The following OSBPL1A variants were observed in gnomAD, a reference collection of about 807,000 sequenced individuals.
The protein encoded by OSBPL1A is oxysterol-binding protein-related protein 1.
In OSBPL1A, 80 loss-of-function variants were observed where a neutral mutation model predicts 137.1. That is an observed-to-expected ratio of 0.58 (90% confidence interval 0.49 to 0.70). OSBPL1A has a LOEUF of 0.70. OSBPL1A is among the 30% of genes least tolerant of loss of function. OSBPL1A has a pLI of 0.00. For synonymous variants in OSBPL1A, 365 were observed against 389.7 expected (o/e 0.94, Z 0.75); for missense variants, 970 against 1,129.4 (o/e 0.86, Z 2.02).
chr18:24,183,769 C>A (rs1166023173), intron 18 of OSBPL1A, among the ~76,000 whole-genome samples: 1 of 152,174 alleles, frequency 6.6e-6, no homozygotes, highest in Admixed American at 6.5e-5. Flanking sequence ...GATGTCAGCT[C>A]TGTGTATTGA....
intron 17 of OSBPL1A, among the ~76,000 whole-genome samples, chr18:24,219,223 G>T (rs976854439): frequency 6.6e-6 from 1 of 152,158 alleles, no homozygotes; most frequent in Non-Finnish European, 1.5e-5. Context: ...GACCAAGGAG[G>T]TTGAGGCTGC....
chr18:24,317,211 G>T lies in OSBPL1A; in HGVS notation c.808C>A (p.Pro270Thr). The T allele has an allele frequency of 6.2e-7, 1 of 1,613,542 alleles. No homozygotes were observed. Among genetic ancestry groups the T allele is most frequent in the African/African-American group, 1.3e-5 (1 of 74,932 alleles). The change falls in exon 11 of 28, where the codon CCT becomes ACT. Residue 270 changes from proline to threonine, a missense_variant and splice_region_variant. Physicochemically the swap from Pro to Thr is conservative, Grantham distance 38 (BLOSUM62 -1). This residue lies in a region of OSBPL1A where 647 missense variants were observed against 672.6 expected (regional missense o/e 0.96). Transcript: ENST00000319481. ...HGVLSWYRKQ[P>T]DAVHNIYRQG... is the part of the protein sequence containing the mutation. ...CGATAAATATTATGAACTGCATCAGGCCTTCAAAATAAAAATGAAATTATC... is the reference window on the plus strand; with the variant it reads ...CGATAAATATTATGAACTGCATCAGTCCTTCAAAATAAAAATGAAATTATC...
intron 7 of OSBPL1A, among the ~76,000 whole-genome samples, chr18:24,321,070 A>C (rs2090844086): frequency 6.6e-6 from 1 of 151,858 alleles, no homozygotes; most frequent in African/African-American, 2.4e-5. Context: ...AATAATAATA[A>C]CTGGGAAAAC....
chr18:24,353,878 T>C (rs755062758), intron 4 of OSBPL1A, among the ~76,000 whole-genome samples: 20 of 130,020 alleles, frequency 1.5e-4, no homozygotes, highest in Non-Finnish European at 2.6e-4. Context: ...TGAGAACACA[T>C]GGACACAGGA....
intron 15 of OSBPL1A, among the ~76,000 whole-genome samples, chr18:24,253,167 C>CGGGGGG (rs1340675508): frequency 1.1e-5 from 1 of 95,038 alleles, no homozygotes; most frequent in Non-Finnish European, 2.2e-5. Context: ...AAAGACATGG[C>CGGGGGG]GGGGGGGGGC....
intron 15 of OSBPL1A, among the ~76,000 whole-genome samples, chr18:24,260,149 T>A (rs894432126): frequency 2.6e-5 from 4 of 152,092 alleles, no homozygotes; most frequent in African/African-American, 9.7e-5. Flanking sequence ...GGCTATAATT[T>A]TTTTTAAAAA....
chr18:24,303,472 G>C (rs748072974), intron 14 of OSBPL1A, among the ~76,000 whole-genome samples, 165 bp downstream of exon 14: 36 of 152,116 alleles, frequency 2.4e-4, no homozygotes, highest in Admixed American at 6.5e-4. Context: ...CATCCTCTGT[G>C]AGTAGAAACT....
chr18:24,207,433 A>AT (rs2087407229), intron 17 of OSBPL1A, among the ~76,000 whole-genome samples: 1 of 152,190 alleles, frequency 6.6e-6, no homozygotes, highest in South Asian at 2.1e-4. Context: ...TTTAACACAC[A>AT]TTTTCACTTG....
chr18:24,208,064 A>G (rs1384072100), intron 17 of OSBPL1A, among the ~76,000 whole-genome samples: 2 of 152,232 alleles, frequency 1.3e-5, no homozygotes, highest in African/African-American at 4.8e-5. Flanking sequence ...CAATTTAAAT[A>G]TAATTTAATG....
chr18:24,256,715 C>T (rs905787153), intron 15 of OSBPL1A, among the ~76,000 whole-genome samples: 2 of 151,804 alleles, frequency 1.3e-5, no homozygotes, highest in African/African-American at 2.4e-5. Context: ...TTGGAAAAAC[C>T]TAGAGACTAC....
intron 21 of OSBPL1A, among the ~76,000 whole-genome samples, chr18:24,175,137 C>CATATATATATATAT (rs57325245): frequency 9.7e-5 from 5 of 51,752 alleles, no homozygotes; most frequent in African/African-American, 4.0e-4. Flanking sequence ...TATATATATA[C>CATATATATATATAT]ACATATATAT....
chr18:24,314,524 G>A (rs1382177084), intron 11 of OSBPL1A, among the ~76,000 whole-genome samples, 177 bp from the exon 12 acceptor site: 1 of 152,176 alleles, frequency 6.6e-6, no homozygotes, highest in African/African-American at 2.4e-5. Flanking sequence ...CAAATGCACT[G>A]TAGAACTATG....
chr18:24,314,974 G>GA (rs1037825497), intron 11 of OSBPL1A, among the ~76,000 whole-genome samples: 4 of 152,250 alleles, frequency 2.6e-5, no homozygotes, highest in African/African-American at 4.8e-5. Flanking sequence ...TTAAGAATGG[G>GA]AAAAGGTAGA....
At chr18:24,397,331 C>G (rs1477861305) in intron 1 of OSBPL1A, among the ~76,000 whole-genome samples, 1 of 152,234 alleles carries the variant, frequency 6.6e-6, no homozygotes, top group Non-Finnish European at 1.5e-5. Context: ...CGAGAAGGCA[C>G]GCAGCTGAAG....
chr18:24,171,380 C>G (rs114323426), intron 23 of OSBPL1A, 29 bp downstream of exon 23: 9 of 1,514,786 alleles, frequency 5.9e-6, no homozygotes, highest in Non-Finnish European at 8.2e-6. Flanking sequence ...AAAATCTATA[C>G]TATTCAACAT....
At chr18:24,375,459 G>A (rs1906035413) in intron 2 of OSBPL1A, among the ~76,000 whole-genome samples, 1 of 151,952 alleles carries the variant, frequency 6.6e-6, no homozygotes, top group South Asian at 2.1e-4. Context: ...CACATTTGAT[G>A]CAAGGTTGTG....
At chr18:24,319,738 G>A (rs2090808118) in intron 7 of OSBPL1A, among the ~76,000 whole-genome samples, 1 of 152,076 alleles carries the variant, frequency 6.6e-6, no homozygotes, top group African/African-American at 2.4e-5. Flanking sequence ...GCCTCAAATA[G>A]CTTATTATTA....
Position 24,225,032 on chromosome 18 carries a change from G to C in OSBPL1A, c.1601+10C>G, listed in dbSNP as rs372761161. On this transcript the variant is annotated intron_variant, in intron 17 of 27. Transcript: ENST00000319481. The stretch of plus-strand genomic sequence containing the variant: ...AACGCAGCAGTGACAACTGTCAGAG[G>C]CGATCCTACCTGTGTTTCTTGATGC... 1.9e-6 allele frequency: 3 copies of C among 1,613,872 alleles called. No individual in the cohort carries two copies. The highest frequency in any genetic ancestry group is 1.7e-6 in the Non-Finnish European group (2 of 1,179,940).
intron 14 of OSBPL1A, among the ~76,000 whole-genome samples, chr18:24,293,734 G>T (rs1488819418): frequency 2.6e-5 from 4 of 152,178 alleles, no homozygotes; most frequent in African/African-American, 9.6e-5. Context: ...GGGGCTGAGG[G>T]GTGGAAGGGG....
Sources: allele counts gnomAD v4.1 joint callset (sites outside exome capture counted in the v4.1 genomes callset), GRCh38; gene constraint gnomAD v4.1.1; regional missense constraint gnomAD v4.1.1; transcripts MANE v1.5; gene names NCBI Gene and HGNC (gene_info 2026-07-23, HGNC 2026-07-21).